MSRA: variants seen among roughly 807,000 people sequenced by gnomAD.
The protein encoded by MSRA is mitochondrial peptide methionine sulfoxide reductase.
Under a neutral mutation model 31.3 loss-of-function variants are expected in MSRA, and 54 were observed. That is an observed-to-expected ratio of 1.73 (90% CI 1.39 to 2.17). MSRA has a LOEUF of 2.17. Ranked by LOEUF, MSRA falls within the 30% of genes most tolerant of loss-of-function variation. The pLI is 0.00. For synonymous variants in MSRA, 169 were observed against 116.5 expected (o/e 1.45, Z -2.90); for missense variants, 507 against 300.9 (o/e 1.69, Z -5.07).
intron 1 of MSRA, among the ~76,000 whole-genome samples, chr8:10,068,652 A>T (rs1797580858): frequency 6.6e-6 from 1 of 152,168 alleles, no homozygotes; most frequent in Admixed American, 6.5e-5. Context: ...CCTTATTATG[A>T]TCCATTTGTC....
At chr8:10,248,275 G>T (rs1246574322) in intron 3 of MSRA, among the ~76,000 whole-genome samples, 1 of 152,210 alleles carries the variant, frequency 6.6e-6, no homozygotes, top group Non-Finnish European at 1.5e-5. Flanking sequence ...GAAGCATAGA[G>T]ACCTGGATTG....
At chr8:10,406,138 A>G (rs1807802423) in intron 5 of MSRA, among the ~76,000 whole-genome samples, 1 of 152,048 alleles carries the variant, frequency 6.6e-6, no homozygotes, top group South Asian at 2.1e-4. Context: ...CCTGTATCCG[A>G]CTCCCAGGCT....
At chr8:10,257,798 A>G (rs936079882) in intron 3 of MSRA, among the ~76,000 whole-genome samples, 2 of 152,212 alleles carry the variant, frequency 1.3e-5, no homozygotes, top group African/African-American at 4.8e-5. Context: ...CCTTGGTTCA[A>G]GAATTCACTC....
At position 10,185,865 on chromosome 8, in the gene MSRA, A is replaced by G. The variant is rs1207498531; in HGVS notation, c.143-21968A>G. ...AATCACCCCTTATGATTCTCACAAC[A>G]GCTCCATAAGATAGGGGTAATTTCC... is the stretch of plus-strand genomic sequence containing the variant. On this transcript the variant is annotated intron_variant, in intron 1 of 5. Coordinates refer to ENST00000317173, the MANE Select transcript of MSRA (RefSeq NM_012331.5). 2.0e-5 allele frequency among the ~76,000 whole-genome samples: 3 copies of G among 151,918 alleles called. No individual in the cohort carries two copies. The East Asian group carries it at 5.8e-4, about 29-fold the overall frequency.
At position 10,331,199 on chromosome 8, in the gene MSRA, G is replaced by A. The variant is rs557299184; in HGVS notation, c.543+11210G>A. 4.6e-5 allele frequency among the ~76,000 whole-genome samples: 7 copies of A among 152,300 alleles called. No homozygotes were observed. In the East Asian group the frequency reaches 1.4e-3, roughly 29 times the overall value. ...AATAGAAGCCTGTTATTGAAGCCAC[G>A]TAGTCTGTTACTTTGTTATGGCAGC... is the stretch of plus-strand genomic sequence containing the variant. On this transcript the variant is annotated intron_variant, in intron 5 of 5. Coordinates refer to ENST00000317173, the MANE Select transcript of MSRA (RefSeq NM_012331.5).
intron 2 of MSRA, among the ~76,000 whole-genome samples, chr8:10,231,526 G>T (rs1168505403): frequency 6.6e-6 from 1 of 152,210 alleles, no homozygotes; most frequent in Non-Finnish European, 1.5e-5. Flanking sequence ...TCAGGTGGGT[G>T]GTTAGGGGTT....
chr8:10,383,976 A>G (rs1391735907), intron 5 of MSRA, among the ~76,000 whole-genome samples: 3 of 152,180 alleles, frequency 2.0e-5, no homozygotes, highest in Non-Finnish European at 4.4e-5. Context: ...TGAGGGCTGC[A>G]GCCACATTCA....
intron 2 of MSRA, among the ~76,000 whole-genome samples, chr8:10,211,555 C>G (rs529412557): frequency 2.0e-5 from 3 of 152,268 alleles, no homozygotes; most frequent in East Asian, 3.9e-4. Context: ...GCAATTACTT[C>G]CTGTCTTTGT....
At chr8:10,235,437 G>T (rs766057180) in intron 2 of MSRA, among the ~76,000 whole-genome samples, 1 of 151,966 alleles carries the variant, frequency 6.6e-6, no homozygotes, top group African/African-American at 2.4e-5. Flanking sequence ...TATTAGAAAA[G>T]AACACTTGAA....
At chr8:10,076,961 T>C (rs1286240464) in intron 1 of MSRA, among the ~76,000 whole-genome samples, 1 of 149,724 alleles carries the variant, frequency 6.7e-6, no homozygotes, top group Non-Finnish European at 1.5e-5. Context: ...ACGTAGGTAA[T>C]GGGTTGATAG....
intron 4 of MSRA, among the ~76,000 whole-genome samples, chr8:10,303,165 T>A (rs1800939250): frequency 6.6e-6 from 1 of 152,240 alleles, no homozygotes. Context: ...CCTGAAGGCA[T>A]GTAGGTGACA....
chr8:10,385,265 C>T, intron 5 of MSRA, among the ~76,000 whole-genome samples: 1 of 152,196 alleles, frequency 6.6e-6, no homozygotes, highest in Non-Finnish European at 1.5e-5. Context: ...AGATGGGGAA[C>T]TCAATTCGAT....
chr8:10,349,218 G>A (rs1239507986), intron 5 of MSRA, among the ~76,000 whole-genome samples: 1 of 152,182 alleles, frequency 6.6e-6, no homozygotes, highest in African/African-American at 2.4e-5. Context: ...GCTCTGGGTA[G>A]CATCAACATT....
chr8:10,250,035 T>C (rs1797836050), intron 3 of MSRA, among the ~76,000 whole-genome samples: 2 of 152,214 alleles, frequency 1.3e-5, no homozygotes, highest in East Asian at 3.9e-4. Context: ...TTCCAGAATT[T>C]TCTCTATAGT....
At chr8:10,412,190 T>C (rs1808198438) in intron 5 of MSRA, among the ~76,000 whole-genome samples, 2 of 152,262 alleles carry the variant, frequency 1.3e-5, no homozygotes, top group Non-Finnish European at 2.9e-5. Flanking sequence ...TTTCCGTTTT[T>C]AGTCTGAACA....
At chr8:10,072,279 G>A (rs1235201495) in intron 1 of MSRA, among the ~76,000 whole-genome samples, 1 of 149,148 alleles carries the variant, frequency 6.7e-6, no homozygotes, top group Admixed American at 6.7e-5. Context: ...CTGAAAGGCT[G>A]TGCACACAAG....
rs150315125 is a variant in MSRA, at chr8:10,233,205, A to T, written c.212-11899A>T. 6.3e-3 allele frequency among the ~76,000 whole-genome samples: 958 copies of T among 152,354 alleles called. 3 individuals carry two copies. The highest frequency in any genetic ancestry group is 9.0e-3 in the Non-Finnish European group (615 of 68,038). On this transcript the variant is annotated intron_variant, in intron 2 of 5. Transcript: ENST00000317173. Reference sequence around the variant, plus strand: ...TTCTTGTTGTAGCCACTGCTGCAGCAGGGAACCCTGGAAACTCTAATCACC... The same window carrying T: ...TTCTTGTTGTAGCCACTGCTGCAGCTGGGAACCCTGGAAACTCTAATCACC...
intron 2 of MSRA, among the ~76,000 whole-genome samples, chr8:10,218,738 T>G (rs1810227384): frequency 6.6e-6 from 1 of 152,240 alleles, no homozygotes; most frequent in African/African-American, 2.4e-5. Context: ...GATAGTTGTT[T>G]AAGTCAAAAG....
intron 1 of MSRA, among the ~76,000 whole-genome samples, chr8:10,107,687 G>C (rs150841305): frequency 0.015 from 2,329 of 152,268 alleles, 24 homozygotes; most frequent in Non-Finnish European, 0.022. Context: ...ACTTCCAAGA[G>C]AGCTTTCGTC....
Sources: gnomAD v4.1 joint callset for allele counts (sites outside exome capture counted in the v4.1 genomes callset) on GRCh38, gnomAD v4.1.1 for gene constraint, MANE v1.5 for transcripts, NCBI Gene and HGNC (gene_info 2026-07-23, HGNC 2026-07-21) for gene names.